Variants in KDM2B observed in about 807,000 individuals in gnomAD.
KDM2B encodes lysine demethylase 2B.
Under a neutral mutation model 150.0 loss-of-function variants are expected in KDM2B, and 26 were observed. The ratio of observed to expected loss-of-function variants is 0.17; its 90% CI spans 0.13 to 0.24. The LOEUF is 0.24. Among genes scored for constraint, KDM2B ranks in the 10% least tolerant of loss-of-function variants. KDM2B has a pLI of 1.00. For synonymous variants in KDM2B, 734 were observed against 729.5 expected, an observed-to-expected ratio of 1.01 and a Z score of -0.10; for missense variants, 1,265 against 1,816.9, an observed-to-expected ratio of 0.70 and a Z score of 5.52.
At chr12:121,542,468 A>G (rs1555309920) in intron 6 of KDM2B, among the ~76,000 whole-genome samples, 1 of 152,268 alleles carries the variant, frequency 6.6e-6, no homozygotes, top group African/African-American at 2.4e-5. Flanking sequence ...AGCTTATAAG[A>G]GACCCTGAGC....
At chr12:121,497,924 C>T (rs1468120607) in intron 11 of KDM2B, among the ~76,000 whole-genome samples, 1 of 151,864 alleles carries the variant, frequency 6.6e-6, no homozygotes, top group African/African-American at 2.4e-5. Context: ...GGAGAAACCC[C>T]ATCACTACTA....
At chr12:121,527,480 G>A (rs1362547090) in intron 8 of KDM2B, among the ~76,000 whole-genome samples, 6 of 149,652 alleles carry the variant, frequency 4.0e-5, no homozygotes, top group East Asian at 2.0e-4. Flanking sequence ...GTGAAACCCC[G>A]TCTCTACTAA....
Position 121,520,236 on chromosome 12 carries a change from T to C in KDM2B, c.1047+749A>G, listed in dbSNP as rs1467118604. ...CAGTTTGGGACCTGTCTTATGTGCCTAGGGACACGTGATCAAGTCCTAGCA... is the reference window on the plus strand; with the variant it reads ...CAGTTTGGGACCTGTCTTATGTGCCCAGGGACACGTGATCAAGTCCTAGCA... On this transcript the variant is annotated intron_variant, in intron 9 of 22. Coordinates refer to ENST00000377071, the MANE Select transcript of KDM2B (RefSeq NM_032590.5). The surrounding 1 kb of genome is among the most constrained non-coding windows in gnomAD (Gnocchi z 4.5). 3.3e-5 allele frequency among the ~76,000 whole-genome samples: 5 copies of C among 152,098 alleles called. No individual in the cohort carries two copies. Among genetic ancestry groups the C allele is most frequent in the African/African-American group, 1.2e-4 (5 of 41,428 alleles).
chr12:121,579,793 C>G, intron 1 of KDM2B: 1 of 1,310,000 alleles, frequency 7.6e-7, no homozygotes, highest in Non-Finnish European at 1.0e-6. Flanking sequence ...TCCCCGATAC[C>G]ACCTCCCCAC....
At chr12:121,582,253 G>A (rs868976854), upstream of KDM2B, among the ~76,000 whole-genome samples, 77 of 151,020 alleles carry the variant, frequency 5.1e-4, 1 homozygote, top group Middle Eastern at 7.0e-3. Context: ...CACATAGCGC[G>A]TATGTGCCGC....
rs782513327 is a variant in KDM2B, at chr12:121,443,901, G to A, written c.2452-108C>T. ...GACCTGCTCAGGGCAGCAAGAGGCCGGGATTATCCCAAGCTCTACCTGCTG... is the reference window on the plus strand; with the variant it reads ...GACCTGCTCAGGGCAGCAAGAGGCCAGGATTATCCCAAGCTCTACCTGCTG... On this transcript the variant is annotated intron_variant, in intron 16 of 22. Coordinates refer to ENST00000377071, the MANE Select transcript of KDM2B (RefSeq NM_032590.5). 44 of 1,449,128 alleles carry A rather than the reference G, an allele frequency of 3.0e-5. No homozygotes were observed. In the Middle Eastern group the frequency reaches 6.3e-4, roughly 21 times the overall value. 89.8% of individuals were successfully genotyped at this position (1,449,128 alleles called of 1,614,324 possible).
chr12:121,574,798 AC>A (rs1891393478), intron 3 of KDM2B, among the ~76,000 whole-genome samples: 1 of 152,186 alleles, frequency 6.6e-6, no homozygotes. Context: ...GCCCTTCCCT[AC>A]CCCAAGAGGC....
Position 121,520,909 on chromosome 12 carries a change from A to G in KDM2B, c.1047+76T>C. ...GGGAACTGTGGAGGACTTCAGTATG[A>G]CCTGTCCCACACACCGAGCACCGGC... On this transcript the variant is annotated intron_variant, in intron 9 of 22. Transcript: ENST00000377071. This position sits in a 1 kb window ranked among gnomAD's most constrained non-coding sequence, Gnocchi z 4.5. 3 of 1,022,336 alleles carry G rather than the reference A, an allele frequency of 2.9e-6. No homozygotes were observed. Among genetic ancestry groups the G allele is most frequent in the Non-Finnish European group, 4.4e-6 (3 of 674,716 alleles). 63.3% of individuals were successfully genotyped at this position (1,022,336 alleles called of 1,614,324 possible).
chr12:121,581,010 A>G lies in KDM2B; in HGVS notation c.-99T>C. 2 of 1,480,692 alleles carry G rather than the reference A, an allele frequency of 1.4e-6. No homozygotes were observed. The highest frequency in any genetic ancestry group is 1.8e-6 in the Non-Finnish European group (2 of 1,099,958). The allele number at this position is 1,480,692 out of a possible 1,614,324, so 91.7% of individuals were successfully genotyped here. A position where few individuals can be genotyped will look rare whatever the true frequency, so the allele number is the denominator to read the frequency against. On this transcript the variant is annotated 5_prime_UTR_variant, in exon 1 of 23. Transcript: ENST00000377071. ...AAACTCCCGGCACTCAAAGATGTGG[A>G]CACACACACGTACAGGAAATACAGC...
At chr12:121,488,124 G>A (rs1457691679) in intron 12 of KDM2B, among the ~76,000 whole-genome samples, 1 of 152,084 alleles carries the variant, frequency 6.6e-6, no homozygotes, top group African/African-American at 2.4e-5. Flanking sequence ...AAACCCCCAG[G>A]AAGTGCCAGC....
intron 11 of KDM2B, among the ~76,000 whole-genome samples, chr12:121,506,981 C>T (rs1448310238): frequency 2.0e-5 from 3 of 151,720 alleles, no homozygotes; most frequent in Admixed American, 2.0e-4. Context: ...CCTGTAGTCC[C>T]AGCTACTCGG....
In KDM2B at chr12:121,574,539, C is replaced by A; in HGVS notation, c.397+8G>T. ...ATGTCTGAGCCACACACACGGCAAG[C>A]GACTTACCCACTAGGAGTTTGACGT... is the stretch of plus-strand genomic sequence containing the variant. On this transcript the variant is annotated splice_region_variant and intron_variant, in intron 4 of 22. Coordinates refer to ENST00000377071, the MANE Select transcript of KDM2B (RefSeq NM_032590.5). The A allele has an allele frequency of 6.2e-7, 1 of 1,613,540 alleles. No individual in the cohort carries two copies.
At chr12:121,579,403 C>G (rs1246469051) in intron 1 of KDM2B, among the ~76,000 whole-genome samples, 1 of 152,196 alleles carries the variant, frequency 6.6e-6, no homozygotes, top group Non-Finnish European at 1.5e-5. Flanking sequence ...GAAGCCGGAA[C>G]CGGGGGCCGG....
At chr12:121,512,244 A>G (rs1555304142) in intron 10 of KDM2B, among the ~76,000 whole-genome samples, 1 of 151,866 alleles carries the variant, frequency 6.6e-6, no homozygotes, top group Non-Finnish European at 1.5e-5. Context: ...GGACTTTCCA[A>G]CCCCCTGAAT....
At chr12:121,574,445 G>T in intron 4 of KDM2B, 102 bp downstream of exon 4, 1 of 1,108,714 alleles carries the variant, frequency 9.0e-7, no homozygotes, top group Non-Finnish European at 1.3e-6. Context: ...TGGGGACTTT[G>T]TTTTGAGAGG....
Position 121,549,124 on chromosome 12 carries a change from G to A in KDM2B, c.577-141C>T. On this transcript the variant is annotated intron_variant, in intron 5 of 22. Transcript: ENST00000377071. This position sits in a 1 kb window ranked among gnomAD's most constrained non-coding sequence, Gnocchi z 4.4. The stretch of plus-strand genomic sequence containing the variant: ...ATAGTCCCAACATGGGAGGAAGGAA[G>A]GGCAGGGATGACAGGACCCACACTT... 1 of 673,078 alleles carries A rather than the reference G, an allele frequency of 1.5e-6. No individual in the cohort carries two copies. Among genetic ancestry groups the A allele is most frequent in the Non-Finnish European group, 2.6e-6 (1 of 390,626 alleles). 41.7% of individuals were successfully genotyped at this position (673,078 alleles called of 1,614,324 possible).
chr12:121,517,835 T>A (rs1744212715), intron 9 of KDM2B, among the ~76,000 whole-genome samples: 1 of 152,092 alleles, frequency 6.6e-6, no homozygotes, highest in African/African-American at 2.4e-5. Flanking sequence ...GATGGTTCCC[T>A]CTGTCCCACC....
downstream of KDM2B, among the ~76,000 whole-genome samples, chr12:121,426,644 T>TA (rs1335185327): frequency 2.9e-3 from 370 of 126,272 alleles, no homozygotes; most frequent in Non-Finnish European, 4.0e-3. Context: ...TTTTTTTTTT[T>TA]AGACAGAGTC....
At chr12:121,543,749 C>G (rs536236842) in intron 6 of KDM2B, among the ~76,000 whole-genome samples, 22 of 152,052 alleles carry the variant, frequency 1.4e-4, no homozygotes, top group Admixed American at 5.2e-4. Flanking sequence ...ACCAGGGAGT[C>G]AGAGGTTGCA....
Sources: gnomAD v4.1 joint callset for allele counts (sites outside exome capture counted in the v4.1 genomes callset) on GRCh38, gnomAD v4.1.1 for gene constraint, Gnocchi (gnomAD v3.1) non-coding constraint, MANE v1.5 for transcripts, NCBI Gene and HGNC (gene_info 2026-07-23, HGNC 2026-07-21) for gene names.